Variants in TLCD4 observed in about 807,000 individuals in gnomAD.
The protein encoded by TLCD4 is TLC domain containing 4.
TLCD4 carries 7 observed loss-of-function variants against 24.2 expected under a neutral mutation model. That is an observed-to-expected ratio of 0.29 (90% CI 0.16 to 0.54). The LOEUF is 0.54. TLCD4 is among the 20% of genes least tolerant of loss of function. TLCD4 has a pLI of 0.95. For missense variants in TLCD4, 259 were observed against 313.9 expected, an observed-to-expected ratio of 0.82 and a Z score of 1.32; for synonymous variants, 103 against 106.4, an observed-to-expected ratio of 0.97 and a Z score of 0.20.
intron 2 of TLCD4, among the ~76,000 whole-genome samples, chr1:95,144,396 A>C (rs1449649840): frequency 6.6e-6 from 1 of 152,160 alleles, no homozygotes; most frequent in African/African-American, 2.4e-5. Context: ...GGAAGAAAAA[A>C]TTAGTTGTAC....
At chr1:95,122,486 T>G (rs1378135415) in intron 1 of TLCD4, among the ~76,000 whole-genome samples, 1 of 152,238 alleles carries the variant, frequency 6.6e-6, no homozygotes, top group Non-Finnish European at 1.5e-5. Context: ...GACCTGACCC[T>G]GCCTTATCAG....
At chr1:95,147,315 C>A (rs1047982179) in intron 2 of TLCD4, among the ~76,000 whole-genome samples, 1 of 152,092 alleles carries the variant, frequency 6.6e-6, no homozygotes, top group Non-Finnish European at 1.5e-5. Flanking sequence ...CTCAGGTGAC[C>A]CGCCCACCTT....
intron 5 of TLCD4, among the ~76,000 whole-genome samples, chr1:95,158,875 T>C (rs981726834): frequency 1.3e-5 from 2 of 152,200 alleles, no homozygotes; most frequent in African/African-American, 4.8e-5. Flanking sequence ...CCATGGTGTA[T>C]ATGTGCCACA....
At chr1:95,155,706 A>G (rs1037660607) in intron 5 of TLCD4, among the ~76,000 whole-genome samples, 1 of 151,726 alleles carries the variant, frequency 6.6e-6, no homozygotes, top group Non-Finnish European at 1.5e-5. Context: ...TATAGACTCA[A>G]GATTACTGAA....
At chr1:95,124,636 C>T (rs1333194160) in intron 1 of TLCD4, among the ~76,000 whole-genome samples, 1 of 151,852 alleles carries the variant, frequency 6.6e-6, no homozygotes, top group Non-Finnish European at 1.5e-5. Context: ...TTTAAGAGGA[C>T]CTAAAGGGAC....
At chr1:95,109,956 T>TATAC in the TLCD4 span, among the ~76,000 whole-genome samples, 15 of 89,490 alleles carry the variant, frequency 1.7e-4, 1 homozygote, top group African/African-American at 5.6e-4. Context: ...TATATATATA[T>TATAC]ATACACACAC....
intron 6 of TLCD4, among the ~76,000 whole-genome samples, chr1:95,180,184 G>A (rs1678583952): frequency 6.6e-6 from 1 of 152,162 alleles, no homozygotes; most frequent in African/African-American, 2.4e-5. Context: ...TCTTGAATAT[G>A]ATTCTGATTA....
chr1:95,122,153 G>C (rs1271333643), intron 1 of TLCD4, among the ~76,000 whole-genome samples: 1 of 152,152 alleles, frequency 6.6e-6, no homozygotes. Flanking sequence ...AAGAGTTTGC[G>C]ACCAGCCTGG....
chr1:95,168,004 T>G, intron 5 of TLCD4, among the ~76,000 whole-genome samples: 1 of 152,188 alleles, frequency 6.6e-6, no homozygotes, highest in Admixed American at 6.5e-5. Flanking sequence ...CGACCTGGTG[T>G]TGGGACCATC....
intron 6 of TLCD4, among the ~76,000 whole-genome samples, chr1:95,184,215 C>A (rs1475896521): frequency 6.6e-6 from 1 of 152,152 alleles, no homozygotes; most frequent in Non-Finnish European, 1.5e-5. Flanking sequence ...AAATTCTCTT[C>A]ATTCCTCTTG....
the TLCD4 span, among the ~76,000 whole-genome samples, chr1:95,102,624 G>A: frequency 3.3e-5 from 5 of 152,296 alleles, no homozygotes; most frequent in African/African-American, 1.2e-4. Flanking sequence ...GATGGCATAC[G>A]TGGAATTGAT....
intron 5 of TLCD4, among the ~76,000 whole-genome samples, chr1:95,167,661 C>T (rs986565384): frequency 6.6e-6 from 1 of 152,122 alleles, no homozygotes; most frequent in Non-Finnish European, 1.5e-5. Flanking sequence ...AGGCTCCTGG[C>T]TCTGGAATGT....
At chr1:95,162,438 G>A (rs903856902) in intron 5 of TLCD4, among the ~76,000 whole-genome samples, 2 of 150,500 alleles carry the variant, frequency 1.3e-5, no homozygotes, top group African/African-American at 2.4e-5. Flanking sequence ...ACACTGATGG[G>A]ACTTGACTCT....
intron 1 of TLCD4, among the ~76,000 whole-genome samples, chr1:95,133,311 C>T (rs1219247690): frequency 6.6e-6 from 1 of 151,670 alleles, no homozygotes; most frequent in Non-Finnish European, 1.5e-5. Context: ...GTGCAGCACA[C>T]CAACATGGCA....
At chr1:95,113,043 CTTTTTTTTTTTT>C (rs1054737210), upstream of TLCD4, among the ~76,000 whole-genome samples, 1 of 136,722 alleles carries the variant, frequency 7.3e-6, no homozygotes, top group Non-Finnish European at 1.6e-5. Context: ...TCTTTTCTTT[CTTTTTTTTTTTT>C]TTTTTGAGAC....
At position 95,197,413 on chromosome 1, in the gene TLCD4, G is replaced by A. The variant is rs1479613040; in HGVS notation, c.*5545G>A. The A allele has an allele frequency of 6.6e-6, 1 of 152,074 alleles. No individual in the cohort carries two copies. The highest frequency in any genetic ancestry group is 6.6e-5 in the Admixed American group (1 of 15,258). The allele number at this position is 152,074 out of a possible 1,614,324, so 9.4% of individuals were successfully genotyped here. On this transcript the variant is annotated 3_prime_UTR_variant, in exon 7 of 7. Transcript: ENST00000370203. ...AGCAATAATCTGCATGTTATACAAG[G>A]TTGACATATTTTGTCCTGAAATTTT...
intron 1 of TLCD4, among the ~76,000 whole-genome samples, chr1:95,126,432 GAAA>G (rs35106714): frequency 2.9e-5 from 4 of 137,288 alleles, no homozygotes; most frequent in Non-Finnish European, 4.7e-5. Context: ...TGTCTCAGGA[GAAA>G]AAAAAAAAAA....
At chr1:95,099,088 G>C in the TLCD4 span, among the ~76,000 whole-genome samples, 1 of 120,894 alleles carries the variant, frequency 8.3e-6, no homozygotes, top group Non-Finnish European at 1.8e-5. Context: ...ACAGGGTAAT[G>C]ATGTTTCTTT....
chr1:95,174,691 T>G (rs1678360655), intron 6 of TLCD4, among the ~76,000 whole-genome samples: 1 of 152,070 alleles, frequency 6.6e-6, no homozygotes, highest in African/African-American at 2.4e-5. Flanking sequence ...AAAAATTTAT[T>G]TTTTTTAAAA....
Sources: gnomAD v4.1 joint callset for allele counts (sites outside exome capture counted in the v4.1 genomes callset) on GRCh38, gnomAD v4.1.1 for gene constraint, MANE v1.5 for transcripts, NCBI Gene and HGNC (gene_info 2026-07-23, HGNC 2026-07-21) for gene names.